Variants in NALCN observed in about 807,000 individuals in gnomAD.
NALCN encodes the protein sodium leak channel, non-selective.
In NALCN, 111 loss-of-function variants were observed where a neutral mutation model predicts 225.3. The ratio of observed to expected loss-of-function variants is 0.49; its 90% confidence interval spans 0.42 to 0.58. NALCN has a LOEUF of 0.58. Among genes scored for constraint, NALCN ranks in the 20% least tolerant of loss-of-function variants. NALCN has a pLI of 0.00. For missense variants in NALCN, 1,378 were observed against 2,202.4 expected, an observed-to-expected ratio of 0.63 and a Z score of 7.49; for synonymous variants, 764 against 769.0, an observed-to-expected ratio of 0.99 and a Z score of 0.11.
At chr13:101,134,185 CA>C (rs563906328) in intron 17 of NALCN, among the ~76,000 whole-genome samples, 21 of 150,992 alleles carry the variant, frequency 1.4e-4, no homozygotes, top group African/African-American at 2.4e-4. Context: ...AACAAACAAA[CA>C]AAAAAAAAGA....
chr13:101,248,737 A>T (rs1276426252), intron 11 of NALCN, among the ~76,000 whole-genome samples: 1 of 152,128 alleles, frequency 6.6e-6, no homozygotes, highest in African/African-American at 2.4e-5. Context: ...GACTCTCCAG[A>T]CCTTTCTCTC....
intron 6 of NALCN, among the ~76,000 whole-genome samples, chr13:101,364,660 G>A (rs2046333840): frequency 6.6e-6 from 1 of 152,034 alleles, no homozygotes; most frequent in African/African-American, 2.4e-5. Flanking sequence ...TAAGACCTAA[G>A]CATTTGATAA....
intron 9 of NALCN, 54 bp from the exon 10 acceptor site, chr13:101,284,073 A>T: frequency 1.6e-5 from 23 of 1,421,258 alleles, no homozygotes; most frequent in South Asian, 2.4e-5. Flanking sequence ...GAACATTGAG[A>T]ACTCTATGTC....
intron 10 of NALCN, among the ~76,000 whole-genome samples, chr13:101,260,288 T>C (rs1022448458): frequency 1.3e-5 from 2 of 152,216 alleles, no homozygotes; most frequent in Non-Finnish European, 2.9e-5. Context: ...GATGGACACT[T>C]AGGTTGCTTC....
rs10549837 is a variant in NALCN at position 101,289,525 on chromosome 13, C to CATATATATATATATATAT, written c.1047+2447_1047+2464dup. Among the ~76,000 whole-genome samples, 736 of 140,764 alleles carry CATATATATATATATATAT rather than the reference C, an allele frequency of 5.2e-3. 7 individuals are homozygous for CATATATATATATATATAT. The highest frequency in any genetic ancestry group is 0.011 in the Middle Eastern group (3 of 272). 92.3% of individuals were successfully genotyped at this position (140,764 alleles called of 152,430 possible). On this transcript the variant is annotated intron_variant, in intron 9 of 43. Transcript: ENST00000251127. The stretch of plus-strand genomic sequence containing the variant: ...GCCCCTTCTTTGTTCTGAAAATGTG[C>CATATATATATATATATAT]ATATATATATATATATATATATATA...
chr13:101,348,324 G>T (rs562561955), intron 6 of NALCN, among the ~76,000 whole-genome samples: 7 of 152,196 alleles, frequency 4.6e-5, no homozygotes, highest in Admixed American at 3.9e-4. Flanking sequence ...TCATAAGCCT[G>T]GGGTGAGACG....
chr13:101,358,210 G>A (rs745974522), intron 6 of NALCN, among the ~76,000 whole-genome samples: 37 of 152,232 alleles, frequency 2.4e-4, no homozygotes, highest in Middle Eastern at 3.4e-3. Flanking sequence ...AAGTACTAAA[G>A]AGCTTATGCA....
At chr13:101,308,024 C>T (rs758789432) in intron 7 of NALCN, among the ~76,000 whole-genome samples, 1 of 152,064 alleles carries the variant, frequency 6.6e-6, no homozygotes, top group Non-Finnish European at 1.5e-5. Context: ...CTAACTATGG[C>T]TTTGTTCTGT....
chr13:101,366,837 T>C (rs773315903), intron 6 of NALCN, among the ~76,000 whole-genome samples: 12 of 152,268 alleles, frequency 7.9e-5, no homozygotes, highest in Non-Finnish European at 1.6e-4. Context: ...TTATTGACCA[T>C]TGTCACCCTG....
chr13:101,304,020 TAACTCACTGTTCTTG>T (rs1027121748), intron 7 of NALCN, among the ~76,000 whole-genome samples: 4 of 152,224 alleles, frequency 2.6e-5, no homozygotes, highest in Non-Finnish European at 5.9e-5. Context: ...TCAGAAGGTA[TAACTCACTGTTCTTG>T]TTCATCAACC....
chr13:101,153,722 T>A (rs2037765749), intron 15 of NALCN, among the ~76,000 whole-genome samples: 1 of 152,204 alleles, frequency 6.6e-6, no homozygotes, highest in African/African-American at 2.4e-5. Context: ...AAATTTCATC[T>A]CGTTGAGACT....
intron 1 of NALCN, among the ~76,000 whole-genome samples, chr13:101,409,545 T>G (rs763654346): frequency 5.3e-5 from 8 of 152,346 alleles, no homozygotes; most frequent in Non-Finnish European, 1.2e-4. Flanking sequence ...GGATATTTTA[T>G]TTTGATGAGC....
chr13:101,289,680 A>G (rs2043479358), intron 9 of NALCN, among the ~76,000 whole-genome samples: 1 of 152,160 alleles, frequency 6.6e-6, no homozygotes, highest in Non-Finnish European at 1.5e-5. Flanking sequence ...AATTTTCCAT[A>G]TGCTAGAGAA....
intron 10 of NALCN, among the ~76,000 whole-genome samples, chr13:101,270,913 C>A (rs2042755078): frequency 6.6e-6 from 1 of 152,152 alleles, no homozygotes; most frequent in African/African-American, 2.4e-5. Context: ...CCAAAGGTGA[C>A]AATGCAACAA....
At chr13:101,138,536 G>A (rs2036914240) in intron 17 of NALCN, among the ~76,000 whole-genome samples, 1 of 152,214 alleles carries the variant, frequency 6.6e-6, no homozygotes, top group African/African-American at 2.4e-5. Flanking sequence ...CGAGGTGGAG[G>A]TGCTGGGACA....
intron 40 of NALCN, among the ~76,000 whole-genome samples, chr13:101,063,958 C>T (rs144365807): frequency 0.011 from 1,598 of 152,104 alleles, 13 homozygotes; most frequent in South Asian, 0.02. Context: ...TGAAATACAC[C>T]GTATTACAAA....
chr13:101,299,555 T>C (rs936568100), intron 7 of NALCN, among the ~76,000 whole-genome samples: 16 of 152,136 alleles, frequency 1.1e-4, no homozygotes, highest in Admixed American at 7.2e-4. Flanking sequence ...TTAATCCACG[T>C]TGGTAGACTC....
intron 41 of NALCN, among the ~76,000 whole-genome samples, chr13:101,061,124 A>C (rs187422335): frequency 5.9e-5 from 9 of 152,342 alleles, no homozygotes; most frequent in African/African-American, 2.2e-4. Flanking sequence ...TCATAGAAAC[A>C]TTCACTGTAA....
intron 6 of NALCN, among the ~76,000 whole-genome samples, chr13:101,354,343 A>AAAAAG (rs1227519950): frequency 1.3e-5 from 2 of 152,204 alleles, no homozygotes; most frequent in Admixed American, 1.3e-4. Flanking sequence ...ATTCCACCTC[A>AAAAAG]AAAAGAAAAG....
Sources: allele counts gnomAD v4.1 joint callset (sites outside exome capture counted in the v4.1 genomes callset), GRCh38; gene constraint gnomAD v4.1.1; transcripts MANE v1.5; gene names NCBI Gene and HGNC (gene_info 2026-07-23, HGNC 2026-07-21).